The following FCAMR variants were observed in gnomAD, a reference collection of about 807,000 sequenced individuals.
The protein encoded by FCAMR is Fc alpha and mu receptor, also known as high affinity immunoglobulin alpha and immunoglobulin mu Fc receptor.
FCAMR carries 51 observed loss-of-function variants against 52.2 expected under a neutral mutation model. The ratio of observed to expected loss-of-function variants is 0.98; its 90% CI spans 0.78 to 1.23. FCAMR has a LOEUF of 1.23. Ranked by LOEUF, FCAMR falls within the 50% of genes most tolerant of loss-of-function variation. The pLI, the probability that FCAMR is intolerant of heterozygous loss-of-function variation, is 0.00. For synonymous variants in FCAMR, 282 were observed against 262.0 expected (o/e 1.08, Z -0.74); for missense variants, 719 against 712.6 (o/e 1.01, Z -0.10).
chr1:206,958,994 T>C, intron 7 of FCAMR: 1 of 519,838 alleles, frequency 1.9e-6, no homozygotes, highest in East Asian at 5.5e-5. Context: ...TTAGCTGGGC[T>C]TTGCCAAAGG....
rs1019758915 is a variant in FCAMR, at chr1:206,960,750, T to C, written c.1126A>G (p.Ile376Val). 3 of 1,552,290 alleles carry C rather than the reference T, an allele frequency of 1.9e-6. No individual in the cohort carries two copies. Among genetic ancestry groups the C allele is most frequent in the African/African-American group, 1.4e-5 (1 of 73,046 alleles). ...LDAAKKVLGT[I>V]GPPALVSETL... ...TCTGAGACCAGAGCTGGTGGCCCAA[T>C]GGTTCCTAGGACCTTTTTGGCTGCA... The change falls in exon 6 of 8, where the codon ATT becomes GTT. Residue 376 changes from isoleucine to valine, a missense_variant. Ile to Val is a conservative substitution (Grantham distance 29). Coordinates refer to ENST00000324852, the MANE Select transcript of FCAMR (RefSeq NM_001170631.2).
At chr1:206,966,572 G>C (rs2102267528) in intron 3 of FCAMR, among the ~76,000 whole-genome samples, 1 of 152,174 alleles carries the variant, frequency 6.6e-6, no homozygotes, top group East Asian at 1.9e-4. Context: ...TTTTAGTAGA[G>C]ACAGGGTTTC....
Position 206,958,830 on chromosome 1 carries a change from C to T in FCAMR, c.1574-154G>A, listed in dbSNP as rs1680367544. On this transcript the variant is annotated intron_variant, in intron 7 of 7. Transcript: ENST00000324852. ...TTGGCTAGGCTAAGCCAGCCTAGCC[C>T]ATGATAGGGCTTGGACTTCGGGGCC... The T allele has an allele frequency of 4.3e-6, 4 of 933,390 alleles. No homozygotes were observed. The East Asian group carries it at 1.0e-4, about 24-fold the overall frequency. The allele number at this position is 933,390 out of a possible 1,614,324, so 57.8% of individuals were successfully genotyped here.
chr1:206,967,709 A>G (rs1680770891), intron 1 of FCAMR, 58 bp from the exon 2 acceptor site: 4 of 1,515,718 alleles, frequency 2.6e-6, no homozygotes, highest in Non-Finnish European at 3.7e-6. Context: ...CACTGTTAGT[A>G]TGCCTCGGTT....
intron 3 of FCAMR, 174 bp from the exon 4 acceptor site, chr1:206,966,032 C>T: frequency 1.2e-6 from 1 of 822,854 alleles, no homozygotes. Context: ...CCACTGCTAC[C>T]ACCTTGCTGG....
Position 206,967,113 on chromosome 1 carries a change from CT to C in FCAMR, c.109-2del. 1 of 1,613,700 alleles carries C rather than the reference CT, an allele frequency of 6.2e-7. No individual in the cohort carries two copies. Among genetic ancestry groups the C allele is most frequent in the Non-Finnish European group, 8.5e-7 (1 of 1,179,898 alleles). ...TCCATCCCGCCCTCCTGCTGGTGAC[CT>C]GCAAAAAACACTCTAAATGAAAAGA... On this transcript the variant is annotated splice_acceptor_variant, in intron 2 of 7. Transcript: ENST00000324852. LOFTEE classifies it high-confidence loss of function.
rs551593682 is a variant in FCAMR at position 206,965,777 on chromosome 1, C to T, written c.251G>A (p.Arg84Gln). 1.6e-5 allele frequency: 25 copies of T among 1,580,722 alleles called. No individual in the cohort carries two copies. The highest frequency in any genetic ancestry group is 3.4e-4 in the Middle Eastern group (2 of 5,954). The change falls in exon 4 of 8, where the codon CGG (arginine) becomes CAG (glutamine). Residue 84 changes from arginine to glutamine, a missense_variant. Coordinates refer to ENST00000324852, the MANE Select transcript of FCAMR (RefSeq NM_001170631.2). ...GGAAGGCCTGAGTGTTCCCATGGCC[C>T]GGAGATGGGTCCTGGAGGGGAGAGA... The part of the protein sequence containing the change: ...EGSLPSRTHL[R>Q]AMGTLRPSSP...
rs1329009916 is a variant in FCAMR at position 206,960,686 on chromosome 1, A to G, written c.1190T>C (p.Val397Ala). Residue 397 changes from valine (V) to alanine (A), a missense_variant, in exon 6 of 8, where the codon GTT becomes GCT. Transcript: ENST00000324852. ...AWEILPQATPVSKQQSQGSIG... is the reference protein window; with the variant it reads ...AWEILPQATPASKQQSQGSIG... The stretch of plus-strand genomic sequence containing the variant: ...GGAACCCTGAGATTGTTGCTTAGAA[A>G]CTGGCGTTGCTTGTGGGAGGATTTC... 1.9e-6 allele frequency: 3 copies of G among 1,552,004 alleles called. No homozygotes were observed. In the Admixed American group the frequency reaches 5.9e-5, roughly 30 times the overall value.
chr1:206,961,527 G>A (rs532496254), intron 5 of FCAMR, among the ~76,000 whole-genome samples: 9 of 152,240 alleles, frequency 5.9e-5, no homozygotes, highest in African/African-American at 2.2e-4. Context: ...GAGGCCCACC[G>A]CCCAGCAGGT....
rs185568088 is a variant in FCAMR at position 206,966,300 on chromosome 1, A to C, written c.170-442T>G. On this transcript the variant is annotated intron_variant, in intron 3 of 7. Transcript: ENST00000324852. ...GCCTGCCTGAGTTGTCGTTTACTGA[A>C]AAATTTTAAAAGGGACAGCAGGAGA... Among the ~76,000 whole-genome samples the C allele has an allele frequency of 2.8e-3, 424 of 152,340 alleles. 4 individuals carry two copies. The highest frequency in any genetic ancestry group is 1.4e-3 in the Non-Finnish European group (93 of 68,028).
chr1:206,966,676 G>T (rs747724831), intron 3 of FCAMR, among the ~76,000 whole-genome samples: 1 of 152,188 alleles, frequency 6.6e-6, no homozygotes. Context: ...GAGCCATCAC[G>T]TCCGACCTTA....
chr1:206,969,299 A>G (rs905136852), intron 1 of FCAMR: 1 of 456,372 alleles, frequency 2.2e-6, no homozygotes, highest in African/African-American at 2.0e-5. Context: ...CCGTGGGGCA[A>G]TGAGGAAGCA....
At chr1:206,959,846 C>A (rs1376611958) in intron 6 of FCAMR, 49 bp from the exon 7 acceptor site, 5 of 1,450,232 alleles carry the variant, frequency 3.4e-6, no homozygotes, top group Non-Finnish European at 4.8e-6. Context: ...TGGAGCTGGG[C>A]AGAAGATTAA....
At chr1:206,969,400 C>T in intron 1 of FCAMR, 1 of 420,228 alleles carries the variant, frequency 2.4e-6, no homozygotes, top group Non-Finnish European at 4.8e-6. Flanking sequence ...AAGTCACCCT[C>T]TCTGCCAATG....
chr1:206,966,911 G>A, intron 3 of FCAMR, 141 bp downstream of exon 3: 1 of 718,236 alleles, frequency 1.4e-6, no homozygotes, highest in Admixed American at 2.6e-5. Flanking sequence ...ACTACAGCAT[G>A]GAGATGGAGC....
chr1:206,969,943 T>C, intron 1 of FCAMR, 144 bp downstream of exon 1: 2 of 893,996 alleles, frequency 2.2e-6, no homozygotes, highest in Non-Finnish European at 3.6e-6. Context: ...TGTTCTGGAC[T>C]CTAGAACCCT....
At chr1:206,960,171 A>G (rs990510364) in intron 6 of FCAMR, 8 of 526,978 alleles carry the variant, frequency 1.5e-5, no homozygotes, top group Non-Finnish European at 2.3e-5. Context: ...TAAAAACAGA[A>G]AGTCCTAATG....
In FCAMR at chr1:206,958,507, C is replaced by T. The variant is rs372389528; in HGVS notation, c.*9G>A. On this transcript the variant is annotated 3_prime_UTR_variant, in exon 8 of 8. Coordinates refer to ENST00000324852, the MANE Select transcript of FCAMR (RefSeq NM_001170631.2). Reference sequence around the variant, plus strand: ...CCCATGGTAACTGAGCAGTTCATCTCTCTGTCCCTCAGGGTCCTGGATTTC... The same window carrying T: ...CCCATGGTAACTGAGCAGTTCATCTTTCTGTCCCTCAGGGTCCTGGATTTC... The T allele has an allele frequency of 6.8e-6, 11 of 1,609,084 alleles. No homozygotes were observed. The African/African-American group carries it at 8.0e-5, about 12-fold the overall frequency.
intron 3 of FCAMR, among the ~76,000 whole-genome samples, chr1:206,966,468 C>T (rs1680712981): frequency 6.6e-6 from 1 of 152,220 alleles, no homozygotes; most frequent in Non-Finnish European, 1.5e-5. Flanking sequence ...TCACTGCAAC[C>T]TCTGCCTCCA....
Sources: allele counts gnomAD v4.1 joint callset (sites outside exome capture counted in the v4.1 genomes callset), GRCh38; gene constraint gnomAD v4.1.1; transcripts MANE v1.5; gene names NCBI Gene and HGNC (gene_info 2026-07-23, HGNC 2026-07-21).